GALK2: variants seen among roughly 807,000 people sequenced by gnomAD.
The protein encoded by GALK2 is N-acetylgalactosamine kinase.
A neutral mutation model predicts 52.4 loss-of-function variants in GALK2; 36 were observed. The ratio of observed to expected loss-of-function variants is 0.69; its 90% CI spans 0.53 to 0.91. The LOEUF (loss-of-function observed/expected upper bound fraction) is 0.91. Ranked by LOEUF, GALK2 falls within the 40% of genes least tolerant of loss-of-function variation. GALK2 has a pLI of 0.00. For synonymous variants in GALK2, 176 were observed against 199.1 expected (o/e 0.88, Z 0.98); for missense variants, 579 against 559.1 (o/e 1.04, Z -0.36).
At chr15:49,315,251 T>C (rs183071629) in intron 8 of GALK2, among the ~76,000 whole-genome samples, 83 of 152,348 alleles carry the variant, frequency 5.4e-4, no homozygotes, top group African/African-American at 1.9e-3. Context: ...AAATATCATC[T>C]AGTGTTATAT....
intron 1 of GALK2, among the ~76,000 whole-genome samples, chr15:49,181,805 C>G (rs1359042831): frequency 6.6e-6 from 1 of 151,920 alleles, no homozygotes; most frequent in Non-Finnish European, 1.5e-5. Context: ...CATTTTACCA[C>G]ATTTGCTTTA....
intron 4 of GALK2, 21 bp from the exon 5 acceptor site, chr15:49,239,200 T>C (rs1030320436): frequency 1.9e-6 from 3 of 1,609,800 alleles, no homozygotes; most frequent in Non-Finnish European, 2.6e-6. Flanking sequence ...TTACTGTTGC[T>C]GTTTTTCCTT....
chr15:49,299,751 C>CTTTCTTTCTTTCTTTTT (rs1567037427), intron 8 of GALK2, among the ~76,000 whole-genome samples: 1 of 127,208 alleles, frequency 7.9e-6, no homozygotes, highest in African/African-American at 3.1e-5. Context: ...TTCTTTCTTT[C>CTTTCTTTCTTTCTTTTT]TTTCTTTCTT....
chr15:49,279,012 C>T (rs370080151), intron 5 of GALK2, among the ~76,000 whole-genome samples: 2 of 152,146 alleles, frequency 1.3e-5, no homozygotes, highest in Non-Finnish European at 2.9e-5. Context: ...TCAGATCTCC[C>T]GAGACTCACT....
At chr15:49,165,947 C>T (rs900279382), upstream of GALK2, among the ~76,000 whole-genome samples, 2 of 151,784 alleles carry the variant, frequency 1.3e-5, no homozygotes, top group East Asian at 1.9e-4. Context: ...GGACTACAGG[C>T]GCCCACCACC....
intron 5 of GALK2, among the ~76,000 whole-genome samples, chr15:49,265,075 C>T (rs111511332): frequency 0.06 from 9,152 of 152,136 alleles, 542 homozygotes; most frequent in African/African-American, 0.15. Context: ...TCTCCAGCTG[C>T]GTGCTGGGAG....
At position 49,193,513 on chromosome 15, in the gene GALK2, CTA is replaced by C. The variant is rs1317576150; in HGVS notation, c.54-7647_54-7646del. Among the ~76,000 whole-genome samples the C allele has an allele frequency of 3.9e-5, 6 of 151,966 alleles. 1 individual carries two copies. The highest frequency in any genetic ancestry group is 3.9e-4 in the Admixed American group (6 of 15,268). On this transcript the variant is annotated intron_variant, in intron 1 of 9. Coordinates refer to ENST00000560031, the MANE Select transcript of GALK2 (RefSeq NM_002044.4). The stretch of plus-strand genomic sequence containing the variant: ...TCTATCAAATTAAAAAAATTTGCCT[CTA>C]TTTTGAGTCATATTAGAAAACCTTT...
chr15:49,367,563 T>C (rs768555380), exon 4 of GALK2: 48 of 1,603,988 alleles, frequency 3.0e-5, no homozygotes, highest in Non-Finnish European at 4.0e-5. Context: ...CCTCCAAAAT[T>C]GAAGAGAACA....
intron 3 of GALK2, among the ~76,000 whole-genome samples, chr15:49,228,688 T>TATATATGTATATATATATATATATACATA: frequency 9.6e-5 from 1 of 10,444 alleles, no homozygotes; most frequent in Non-Finnish European, 1.8e-4. Context: ...TATATATATA[T>TATATATGTATATATATATATATATACATA]TTTTTTTTTT....
Position 49,217,561 on chromosome 15 carries a change from A to G in GALK2, c.266+248A>G, listed in dbSNP as rs147776476. The stretch of plus-strand genomic sequence containing the variant: ...TAGATACCAGGTGATACAAAGATAA[A>G]TAACTCTGTCCTTGTCCGATAGGTA... On this transcript the variant is annotated intron_variant, in intron 3 of 9. Coordinates refer to ENST00000560031, the MANE Select transcript of GALK2 (RefSeq NM_002044.4). Among the ~76,000 whole-genome samples, 713 of 152,362 alleles carry G rather than the reference A, an allele frequency of 4.7e-3. 4 individuals are homozygous for G. Among genetic ancestry groups the G allele is most frequent in the Non-Finnish European group, 7.2e-3 (492 of 68,028 alleles).
rs58230206 is a variant in GALK2, at chr15:49,192,485, G to GTA, written c.54-8638_54-8637dup. 8.1e-3 allele frequency among the ~76,000 whole-genome samples: 835 copies of GTA among 102,762 alleles called. 28 individuals are homozygous for GTA. Among genetic ancestry groups the GTA allele is most frequent in the African/African-American group, 0.025 (606 of 24,584 alleles). The allele number at this position is 102,762 out of a possible 152,430, so 67.4% of individuals were successfully genotyped here. A position where few individuals can be genotyped will look rare whatever the true frequency, so the allele number is the denominator to read the frequency against. On this transcript the variant is annotated intron_variant, in intron 1 of 9. Transcript: ENST00000560031. Reference sequence around the variant, plus strand: ...TCTGCAATGAATATTATATATATATGTATATATATATATATATATATATAT... The same window carrying GTA: ...TCTGCAATGAATATTATATATATATGTATATATATATATATATATATATATAT...
At chr15:49,331,992 C>T (rs2038853689), downstream of GALK2, 1 of 619,454 alleles carries the variant, frequency 1.6e-6, no homozygotes, top group African/African-American at 1.9e-5. Flanking sequence ...ACCCTTAAAA[C>T]TTCTGAAGTA....
chr15:49,323,009 AGGCAAGAAGGAGG>A (rs1189151246), intron 9 of GALK2, among the ~76,000 whole-genome samples: 2 of 150,440 alleles, frequency 1.3e-5, no homozygotes, highest in Non-Finnish European at 3.0e-5. Context: ...GAAAGTAATG[AGGCAAGAAGGAGG>A]GGTTCAGAAG....
chr15:49,208,621 T>C (rs953523326), intron 2 of GALK2, among the ~76,000 whole-genome samples: 3 of 152,156 alleles, frequency 2.0e-5, no homozygotes, highest in Non-Finnish European at 4.4e-5. Context: ...AAAGGATGTG[T>C]TTTCTGTGGT....
intron 7 of GALK2, among the ~76,000 whole-genome samples, chr15:49,287,102 T>C (rs2033453094): frequency 6.6e-6 from 1 of 152,208 alleles, no homozygotes; most frequent in Non-Finnish European, 1.5e-5. Flanking sequence ...GCATCTCCTT[T>C]GGAAGCAGTA....
intron 5 of GALK2, among the ~76,000 whole-genome samples, chr15:49,264,987 G>T (rs1168618031): frequency 6.6e-6 from 1 of 152,172 alleles, no homozygotes; most frequent in South Asian, 2.1e-4. Flanking sequence ...GCCCCTACTG[G>T]GGGGTGCCTC....
intron 5 of GALK2, among the ~76,000 whole-genome samples, chr15:49,268,177 G>A (rs1324582593): frequency 1.3e-5 from 2 of 152,158 alleles, no homozygotes; most frequent in African/African-American, 4.8e-5. Flanking sequence ...TCCCCTCATG[G>A]AGCTTAGACT....
intron 5 of GALK2, among the ~76,000 whole-genome samples, chr15:49,264,925 C>G (rs2092297370): frequency 6.6e-6 from 1 of 152,184 alleles, no homozygotes; most frequent in Admixed American, 6.5e-5. Context: ...TCTGATCGTT[C>G]CTCTGGTAGT....
intron 1 of GALK2, among the ~76,000 whole-genome samples, chr15:49,193,315 C>G (rs531112919): frequency 1.3e-5 from 2 of 151,842 alleles, no homozygotes; most frequent in East Asian, 3.9e-4. Context: ...ACCTTTTACA[C>G]ATTTTTCTAT....
Sources: gnomAD v4.1 joint callset for allele counts (sites outside exome capture counted in the v4.1 genomes callset) on GRCh38, gnomAD v4.1.1 for gene constraint, MANE v1.5 for transcripts, NCBI Gene and HGNC (gene_info 2026-07-23, HGNC 2026-07-21) for gene names.